SLCO1B3: variants seen among roughly 807,000 people sequenced by gnomAD.
SLCO1B3 encodes the protein liver-specific organic anion transporter 2.
SLCO1B3 carries 72 observed loss-of-function variants against 71.8 expected under a neutral mutation model. That is an observed-to-expected ratio of 1.00 (90% CI 0.83 to 1.22). The LOEUF (loss-of-function observed/expected upper bound fraction) is 1.22. Among genes scored for constraint, SLCO1B3 ranks in the 50% most tolerant of loss-of-function variants. The pLI is 0.00. For synonymous variants in SLCO1B3, 298 were observed against 278.4 expected (o/e 1.07, Z -0.70); for missense variants, 911 against 819.7 (o/e 1.11, Z -1.36).
At chr12:20,812,861 C>A (rs954893239) in intron 1 of SLCO1B3, among the ~76,000 whole-genome samples, 6 of 141,446 alleles carry the variant, frequency 4.2e-5, no homozygotes, top group Non-Finnish European at 9.7e-5. Context: ...ATCTGCCTTG[C>A]AAGTCGTTCA....
At chr12:20,907,651 G>A (rs1450950998) in intron 15 of SLCO1B3, among the ~76,000 whole-genome samples, 3 of 151,338 alleles carry the variant, frequency 2.0e-5, no homozygotes, top group African/African-American at 7.3e-5. Flanking sequence ...TGGGATTACA[G>A]GCGCCCGCCA....
intron 13 of SLCO1B3, among the ~76,000 whole-genome samples, chr12:20,890,538 T>C (rs1204146554): frequency 6.6e-6 from 1 of 152,202 alleles, no homozygotes; most frequent in African/African-American, 2.4e-5. Context: ...GTCAGATCCA[T>C]TGGGTCTAAT....
intron 2 of SLCO1B3, among the ~76,000 whole-genome samples, chr12:20,813,940 A>G (rs1473734719): frequency 6.6e-6 from 1 of 152,204 alleles, no homozygotes; most frequent in Admixed American, 6.5e-5. Flanking sequence ...TACATATTAT[A>G]TAATCAGTAT....
chr12:20,834,913 T>G (rs1479321878), intron 3 of SLCO1B3, among the ~76,000 whole-genome samples: 1 of 152,182 alleles, frequency 6.6e-6, no homozygotes, highest in Non-Finnish European at 1.5e-5. Context: ...ATTTCCCTTC[T>G]GACTGCCATA....
chr12:20,834,065 AATAT>A (rs35004400), intron 3 of SLCO1B3, among the ~76,000 whole-genome samples: 2 of 144,682 alleles, frequency 1.4e-5, no homozygotes, highest in African/African-American at 5.0e-5. Flanking sequence ...CATATATAAA[AATAT>A]AAATATATAT....
At chr12:20,859,500 C>CCCCCAAA (rs1865211590) in intron 5 of SLCO1B3, among the ~76,000 whole-genome samples, 1 of 141,062 alleles carries the variant, frequency 7.1e-6, no homozygotes, top group South Asian at 2.6e-4. Flanking sequence ...TCCCCCTCTA[C>CCCCCAAA]ATTTGGCCCT....
chr12:20,816,524 C>A (rs914655292), intron 3 of SLCO1B3, among the ~76,000 whole-genome samples: 1 of 152,126 alleles, frequency 6.6e-6, no homozygotes, highest in East Asian at 1.9e-4. Flanking sequence ...TTGCAAATGA[C>A]TAGATTTCAT....
At chr12:20,843,561 A>G (rs1030146015) in intron 3 of SLCO1B3, among the ~76,000 whole-genome samples, 2 of 152,066 alleles carry the variant, frequency 1.3e-5, no homozygotes, top group African/African-American at 4.8e-5. Context: ...TGGGTGGATC[A>G]CAAGATCAGG....
intron 3 of SLCO1B3, among the ~76,000 whole-genome samples, chr12:20,839,499 T>G (rs1434250985): frequency 6.6e-6 from 1 of 152,158 alleles, no homozygotes; most frequent in Non-Finnish European, 1.5e-5. Context: ...CTGGCATGGT[T>G]TCTGAGAAGT....
At chr12:20,827,110 A>G (rs1396478534) in intron 3 of SLCO1B3, among the ~76,000 whole-genome samples, 1 of 151,590 alleles carries the variant, frequency 6.6e-6, no homozygotes, top group East Asian at 1.9e-4. Context: ...ACAATTTTCA[A>G]TGCATTATTT....
intron 3 of SLCO1B3, among the ~76,000 whole-genome samples, chr12:20,840,923 A>C (rs1864785210): frequency 6.6e-6 from 1 of 152,192 alleles, no homozygotes; most frequent in Admixed American, 6.5e-5. Flanking sequence ...TCACTCTGCT[A>C]GAATGAGAAG....
intron 13 of SLCO1B3, among the ~76,000 whole-genome samples, chr12:20,891,218 G>A (rs968804693): frequency 2.6e-5 from 4 of 151,902 alleles, no homozygotes; most frequent in East Asian, 3.9e-4. Context: ...GTCTGTTTGC[G>A]ACAAATTCCC....
chr12:20,820,503 G>T (rs981573075), intron 3 of SLCO1B3, among the ~76,000 whole-genome samples: 2 of 152,178 alleles, frequency 1.3e-5, no homozygotes, highest in Non-Finnish European at 2.9e-5. Flanking sequence ...GGAATGCCTG[G>T]CCACTGAGGT....
At chr12:20,844,254 A>G (rs977662604) in intron 3 of SLCO1B3, among the ~76,000 whole-genome samples, 2 of 152,038 alleles carry the variant, frequency 1.3e-5, no homozygotes, top group African/African-American at 2.4e-5. Flanking sequence ...ATATATATGT[A>G]TGTATTTCCA....
intron 8 of SLCO1B3, among the ~76,000 whole-genome samples, chr12:20,865,453 G>C (rs919983705): frequency 2.6e-5 from 4 of 152,048 alleles, no homozygotes; most frequent in African/African-American, 9.7e-5. Context: ...TGGTGTGTGT[G>C]TTTCCGTGTG....
chr12:20,902,167 G>A (rs1033008076), intron 15 of SLCO1B3: 15 of 232,266 alleles, frequency 6.5e-5, no homozygotes. Flanking sequence ...GATTTATATT[G>A]CTTTGTGTAT....
chr12:20,872,627 C>T (rs1252934526), intron 8 of SLCO1B3, among the ~76,000 whole-genome samples: 2 of 151,862 alleles, frequency 1.3e-5, no homozygotes, highest in African/African-American at 2.4e-5. Flanking sequence ...TATTTAGGGC[C>T]TGAGGGCTCT....
chr12:20,812,908 T>G (rs12315262), intron 1 of SLCO1B3, among the ~76,000 whole-genome samples: 31,389 of 151,958 alleles, frequency 0.21, 4,225 homozygotes, highest in African/African-American at 0.39. Context: ...TGGTAAAAAA[T>G]AAATATTTTC....
At chr12:20,834,377 A>G (rs946822736) in intron 3 of SLCO1B3, among the ~76,000 whole-genome samples, 9 of 145,786 alleles carry the variant, frequency 6.2e-5, no homozygotes, top group African/African-American at 2.0e-4. Context: ...GACTATATAT[A>G]TATATAATTA....
Sources: gnomAD v4.1 joint callset for allele counts (sites outside exome capture counted in the v4.1 genomes callset) on GRCh38, gnomAD v4.1.1 for gene constraint, MANE v1.5 for transcripts, NCBI Gene and HGNC (gene_info 2026-07-23, HGNC 2026-07-21) for gene names.